The following ING1 variants were observed in gnomAD, a reference collection of about 807,000 sequenced individuals.
The protein encoded by ING1 is inhibitor of growth protein 1.
Under a neutral mutation model 23.1 loss-of-function variants are expected in ING1, and 4 were observed. The ratio of observed to expected loss-of-function variants is 0.17; its 90% CI spans 0.09 to 0.40. The LOEUF is 0.40. Ranked by LOEUF, ING1 falls within the 10% of genes least tolerant of loss-of-function variation. ING1 has a pLI of 1.00. For synonymous variants in ING1, 179 were observed against 166.4 expected (o/e 1.08, Z -0.58); for missense variants, 256 against 393.8 (o/e 0.65, Z 2.96).
chr13:110,719,265 T>C lies in ING1; in HGVS notation c.173T>C (p.Phe58Ser). ...GAGCTAGACGAGTGCTACGAGCGCT[T>C]CAGTCGCGAGACAGACGGGGCGCAG... Reference protein sequence around the residue: ...LKELDECYERFSRETDGAQKR... With the variant: ...LKELDECYERSSRETDGAQKR... Residue 58 changes from phenylalanine (F) to serine (S), a missense_variant, in exon 2 of 2, where the codon TTC becomes TCC. By Grantham distance (155) the Phe-to-Ser change is radical. Coordinates refer to ENST00000333219, the MANE Select transcript of ING1 (RefSeq NM_198219.3). The surrounding 1 kb of genome is among the most constrained non-coding windows in gnomAD (Gnocchi z 8.9). The C allele has an allele frequency of 6.2e-7, 1 of 1,612,770 alleles. No homozygotes were observed. Among genetic ancestry groups the C allele is most frequent in the Non-Finnish European group, 8.5e-7 (1 of 1,179,934 alleles).
At chr13:110,718,620 T>C (rs1231729963) in intron 1 of ING1, among the ~76,000 whole-genome samples, 1 of 152,146 alleles carries the variant, frequency 6.6e-6, no homozygotes, top group Non-Finnish European at 1.5e-5. Context: ...ATTATATAAA[T>C]TTATACACAT....
At chr13:110,715,669 T>A (rs1168991641) in intron 1 of ING1, 3 of 1,608,918 alleles carry the variant, frequency 1.9e-6, no homozygotes, top group East Asian at 4.5e-5. Context: ...GGGCGGGCCG[T>A]GCTCTTCCGC....
At chr13:110,714,708 T>A (rs528464328) in intron 1 of ING1, among the ~76,000 whole-genome samples, 1 of 151,582 alleles carries the variant, frequency 6.6e-6, no homozygotes, top group Non-Finnish European at 1.5e-5. Context: ...TGGGCCGGGG[T>A]TCCCGCGGAC....
At chr13:110,715,373 A>C in intron 1 of ING1, 2 of 1,497,828 alleles carry the variant, frequency 1.3e-6, no homozygotes, top group African/African-American at 1.4e-5. Flanking sequence ...GTAGCTTCGC[A>C]GCGAATTTTA....
upstream of ING1, chr13:110,713,295 C>A (rs565116451): frequency 1.4e-4 from 183 of 1,266,676 alleles, no homozygotes; most frequent in Non-Finnish European, 1.8e-4. Flanking sequence ...GCGGTAGTTG[C>A]TGTGTACCAT....
upstream of ING1, chr13:110,713,389 G>A (rs2064061859): frequency 1.9e-6 from 2 of 1,038,378 alleles, no homozygotes; most frequent in Non-Finnish European, 2.3e-6. Flanking sequence ...GTTTCCCAGC[G>A]GGCGTGCTGT....
rs1354521372 is a variant in ING1, at chr13:110,714,119, G to T, written c.-31G>T. ...GGGGGTGGAGGAAGCGGAAAGCCGCGCCGAGTCGCCGGGGACCTCCGGGGT... is the reference window on the plus strand; with the variant it reads ...GGGGGTGGAGGAAGCGGAAAGCCGCTCCGAGTCGCCGGGGACCTCCGGGGT... On this transcript the variant is annotated 5_prime_UTR_variant, in exon 1 of 2. Transcript: ENST00000333219. 1 of 1,505,164 alleles carries T rather than the reference G, an allele frequency of 6.6e-7. No individual in the cohort carries two copies. The highest frequency in any genetic ancestry group is 1.3e-5 in the South Asian group (1 of 78,424). 93.2% of individuals were successfully genotyped at this position (1,505,164 alleles called of 1,614,324 possible).
At position 110,719,192 on chromosome 13, in the gene ING1, C is replaced by T; in HGVS notation, c.137-37C>T. ...GGGGCCGTGTGGGTTGTCCCGGTGT[C>T]CTGCTCGCGAGTGACGCCTGTCCTT... On this transcript the variant is annotated intron_variant, in intron 1 of 1. Transcript: ENST00000333219. This position sits in a 1 kb window ranked among gnomAD's most constrained non-coding sequence, Gnocchi z 8.9. 2 of 1,602,446 alleles carry T rather than the reference C, an allele frequency of 1.2e-6. No individual in the cohort carries two copies. The highest frequency in any genetic ancestry group is 1.7e-6 in the Non-Finnish European group (2 of 1,172,624).
rs935608527 is a variant in ING1 at position 110,715,363 on chromosome 13, G to A, written c.136+1078G>A. On this transcript the variant is annotated intron_variant, in intron 1 of 1. Transcript: ENST00000333219. ...CGCCCCTGCGCGTTCTATCCGAGAC[G>A]TAGCTTCGCAGCGAATTTTATAGGA... 3.4e-6 allele frequency: 5 copies of A among 1,490,718 alleles called. No individual in the cohort carries two copies. In the East Asian group the frequency reaches 9.2e-5, roughly 28 times the overall value. 92.3% of individuals were successfully genotyped at this position (1,490,718 alleles called of 1,614,324 possible).
In ING1 at chr13:110,713,741, A is replaced by G. The variant is rs2064070077; in HGVS notation, c.-409A>G. The G allele has an allele frequency of 2.0e-6, 2 of 984,924 alleles. No individual in the cohort carries two copies. The highest frequency in any genetic ancestry group is 6.2e-5 in the Admixed American group (1 of 16,236). The allele number at this position is 984,924 out of a possible 1,614,324, so 61.0% of individuals were successfully genotyped here. A position where few individuals can be genotyped will look rare whatever the true frequency, so the allele number is the denominator to read the frequency against. On this transcript the variant is annotated 5_prime_UTR_variant, in exon 1 of 2. Coordinates refer to ENST00000333219, the MANE Select transcript of ING1 (RefSeq NM_198219.3). Reference sequence around the variant, plus strand: ...ACAAGTGCGGCTCGGCGGCCAGCGGAGCGCGCCCCTTCCCGCTGCCCGCTC... The same window carrying G: ...ACAAGTGCGGCTCGGCGGCCAGCGGGGCGCGCCCCTTCCCGCTGCCCGCTC...
upstream of ING1, chr13:110,712,946 C>T: frequency 6.4e-7 from 1 of 1,559,444 alleles, no homozygotes; most frequent in Non-Finnish European, 8.7e-7. Flanking sequence ...GCCGCCTAGG[C>T]TGCTGGGAGT....
Position 110,719,171 on chromosome 13 carries a change from C to T in ING1, c.137-58C>T. ...GCCCTCTCCGTAGACCCGTCCGGGG[C>T]CGTGTGGGTTGTCCCGGTGTCCTGC... On this transcript the variant is annotated intron_variant, in intron 1 of 1. Transcript: ENST00000333219. This position sits in a 1 kb window ranked among gnomAD's most constrained non-coding sequence, Gnocchi z 8.9. The T allele has an allele frequency of 6.4e-7, 1 of 1,556,102 alleles. No individual in the cohort carries two copies. Among genetic ancestry groups the T allele is most frequent in the Non-Finnish European group, 8.8e-7 (1 of 1,135,908 alleles).
Position 110,719,551 on chromosome 13 carries a change from G to A in ING1, c.459G>A (p.Gln153=). The A allele has an allele frequency of 6.2e-7, 1 of 1,610,528 alleles. No individual in the cohort carries two copies. Among genetic ancestry groups the A allele is most frequent in the Non-Finnish European group, 8.5e-7 (1 of 1,178,750 alleles). The change falls in exon 2 of 2, where the codon CAG becomes CAA. Residue 153 remains glutamine (Q), a synonymous_variant. Coordinates refer to ENST00000333219, the MANE Select transcript of ING1 (RefSeq NM_198219.3). The surrounding 1 kb of genome is among the most constrained non-coding windows in gnomAD (Gnocchi z 8.9). ...CCAACAGCAAGCGCTCACGGCGGCA[G>A]CGCAACAACGAGAACCGTGAGAACG... The part of the protein sequence containing the change: ...DKPNSKRSRR[Q]RNNENRENAS...
chr13:110,713,192 A>G (rs749336974), upstream of ING1: 1 of 1,425,368 alleles, frequency 7.0e-7, no homozygotes, highest in Non-Finnish European at 9.1e-7. Flanking sequence ...GTTGGCAAGT[A>G]GATTGGCTAC....
In ING1 at chr13:110,715,701, C is replaced by G. The variant is rs142087197; in HGVS notation, c.136+1416C>G. The G allele has an allele frequency of 6.3e-6, 10 of 1,593,982 alleles. No homozygotes were observed. The African/African-American group carries it at 1.3e-4, about 21-fold the overall frequency. ...CCGCCCTGCGGTGTGGTTGGTTCTCCTCCTGGCCTCCGCCCTCCAAATCGG... is the reference window on the plus strand; with the variant it reads ...CCGCCCTGCGGTGTGGTTGGTTCTCGTCCTGGCCTCCGCCCTCCAAATCGG... On this transcript the variant is annotated intron_variant, in intron 1 of 1. Transcript: ENST00000333219.
In ING1 at chr13:110,714,057, G is replaced by T; in HGVS notation, c.-93G>T. ...GCGGGGGGGCGCCGGGAGAGCGAGG[G>T]CTTTGCATTTTGCAGTGCTATTTTT... On this transcript the variant is annotated 5_prime_UTR_variant, in exon 1 of 2. Coordinates refer to ENST00000333219, the MANE Select transcript of ING1 (RefSeq NM_198219.3). 7.5e-7 allele frequency: 1 copy of T among 1,334,770 alleles called. No individual in the cohort carries two copies. The highest frequency in any genetic ancestry group is 9.6e-7 in the Non-Finnish European group (1 of 1,036,972). The allele number at this position is 1,334,770 out of a possible 1,614,324, so 82.7% of individuals were successfully genotyped here. A position where few individuals can be genotyped will look rare whatever the true frequency, so the allele number is the denominator to read the frequency against.
chr13:110,715,324 C>T (rs2064102540), intron 1 of ING1: 6 of 1,440,874 alleles, frequency 4.2e-6, no homozygotes, highest in South Asian at 1.5e-5. Context: ...TACTAGACGC[C>T]TCTGCCGGGA....
At position 110,719,296 on chromosome 13, in the gene ING1, G is replaced by A; in HGVS notation, c.204G>A (p.Arg68=). Residue 68 remains arginine, a synonymous_variant, in exon 2 of 2, where the codon CGG becomes CGA. Coordinates refer to ENST00000333219, the MANE Select transcript of ING1 (RefSeq NM_198219.3). The surrounding 1 kb of genome is among the most constrained non-coding windows in gnomAD (Gnocchi z 8.9). ...FSRETDGAQK[R]RMLHCVQRAL... Reference sequence around the variant, plus strand: ...GCGAGACAGACGGGGCGCAGAAGCGGCGGATGCTGCACTGTGTGCAGCGCG... The same window carrying A: ...GCGAGACAGACGGGGCGCAGAAGCGACGGATGCTGCACTGTGTGCAGCGCG... The A allele has an allele frequency of 1.2e-6, 2 of 1,610,724 alleles. No homozygotes were observed. The highest frequency in any genetic ancestry group is 1.7e-6 in the Non-Finnish European group (2 of 1,179,940).
chr13:110,714,766 C>T (rs1046655157), intron 1 of ING1, among the ~76,000 whole-genome samples: 2 of 152,198 alleles, frequency 1.3e-5, no homozygotes, highest in East Asian at 1.9e-4. Flanking sequence ...CCTTCTTCGT[C>T]GCCCCCCACT....
Sources: gnomAD v4.1 joint callset for allele counts (sites outside exome capture counted in the v4.1 genomes callset) on GRCh38, gnomAD v4.1.1 for gene constraint, Gnocchi (gnomAD v3.1) non-coding constraint, MANE v1.5 for transcripts, NCBI Gene and HGNC (gene_info 2026-07-23, HGNC 2026-07-21) for gene names.